Variants in MGST3 observed in about 807,000 individuals in gnomAD.
MGST3 encodes glutathione S-transferase 3, mitochondrial.
In MGST3, 13 loss-of-function variants were observed where a neutral mutation model predicts 15.8. The observed-to-expected ratio is 0.82, with a 90% CI of 0.54 to 1.31. The LOEUF is 1.31. Among genes scored for constraint, MGST3 ranks in the 50% most tolerant of loss-of-function variants. MGST3 has a pLI of 0.00. For missense variants in MGST3, 155 were observed against 192.4 expected, an observed-to-expected ratio of 0.81 and a Z score of 1.15; for synonymous variants, 49 against 68.1, an observed-to-expected ratio of 0.72 and a Z score of 1.38.
chr1:165,649,720 T>C, intron 1 of MGST3, 121 bp from the exon 2 acceptor site: 7 of 1,172,584 alleles, frequency 6.0e-6, no homozygotes, highest in Non-Finnish European at 8.8e-6. Flanking sequence ...GATTGATTCA[T>C]ACCTTTTTTT....
At chr1:165,638,618 T>C (rs980192788) in intron 1 of MGST3, among the ~76,000 whole-genome samples, 42 of 152,030 alleles carry the variant, frequency 2.8e-4, no homozygotes, top group African/African-American at 9.9e-4. Context: ...ACCCTGTCTC[T>C]ACTAAAATAC....
rs1648689751 is a variant in MGST3, at chr1:165,655,662, G to A, written c.*158G>A. The A allele has an allele frequency of 1.2e-6, 1 of 859,616 alleles. No homozygotes were observed. Among genetic ancestry groups the A allele is most frequent in the Non-Finnish European group, 1.8e-6 (1 of 555,572 alleles). 53.2% of individuals were successfully genotyped at this position (859,616 alleles called of 1,614,324 possible). The stretch of plus-strand genomic sequence containing the variant: ...CTCATTTCCGTTTGAGTCTGTATCT[G>A]AAATCAGTAGCCTAGTCCTACTAGA... On this transcript the variant is annotated 3_prime_UTR_variant, in exon 6 of 6. Transcript: ENST00000367889.
rs1647934066 is a variant in MGST3, at chr1:165,631,284, G to A, written c.-17G>A. ...TTTTGTTCTGCTCCAGCTGTTCGAAGGTGATCCAGGTGAGTGCTAGCACCT... is the reference window on the plus strand; with the variant it reads ...TTTTGTTCTGCTCCAGCTGTTCGAAAGTGATCCAGGTGAGTGCTAGCACCT... On this transcript the variant is annotated 5_prime_UTR_variant, in exon 1 of 6. Transcript: ENST00000367889. The A allele has an allele frequency of 1.3e-5, 2 of 152,820 alleles. No homozygotes were observed. Among genetic ancestry groups the A allele is most frequent in the Admixed American group, 6.5e-5 (1 of 15,290 alleles). 9.5% of individuals were successfully genotyped at this position (152,820 alleles called of 1,614,324 possible). A position where few individuals can be genotyped will look rare whatever the true frequency, so the allele number is the denominator to read the frequency against.
At chr1:165,643,010 A>AT (rs1300020493) in intron 1 of MGST3, among the ~76,000 whole-genome samples, 1 of 152,196 alleles carries the variant, frequency 6.6e-6, no homozygotes, top group African/African-American at 2.4e-5. Context: ...GTATTTGCTC[A>AT]TTTTGGAAAT....
chr1:165,638,809 A>AAC (rs1553239480), intron 1 of MGST3, among the ~76,000 whole-genome samples: 8 of 151,368 alleles, frequency 5.3e-5, no homozygotes, highest in African/African-American at 1.9e-4. Context: ...AAAAAAAAAA[A>AAC]CCCACATTCT....
intron 1 of MGST3, among the ~76,000 whole-genome samples, chr1:165,634,650 G>A (rs9333389): frequency 0.011 from 1,678 of 151,708 alleles, 53 homozygotes; most frequent in Admixed American, 0.059. Flanking sequence ...ATCCTTTGTC[G>A]CAATGTCACC....
intron 1 of MGST3, among the ~76,000 whole-genome samples, chr1:165,632,580 TC>T (rs1647983050): frequency 1.3e-5 from 2 of 152,214 alleles, no homozygotes; most frequent in African/African-American, 4.8e-5. Context: ...TAAGCTTCCC[TC>T]CTGACACAAT....
intron 1 of MGST3, chr1:165,649,591 G>T: frequency 2.2e-6 from 1 of 462,640 alleles, no homozygotes; most frequent in East Asian, 4.2e-5. Context: ...GAATCTCCCA[G>T]GCACAAAAGA....
At chr1:165,652,541 T>C (rs4147602) in intron 4 of MGST3, among the ~76,000 whole-genome samples, 90,612 of 151,746 alleles carry the variant, frequency 0.6, 27,481 homozygotes, top group Middle Eastern at 0.69. Context: ...GAAAACAAAG[T>C]GGGGAAGGTG....
intron 1 of MGST3, chr1:165,637,184 C>T (rs1052697934): frequency 6.9e-6 from 1 of 145,474 alleles, no homozygotes; most frequent in Admixed American, 7.1e-5. Context: ...TGTCCCATCC[C>T]TGGACACATT....
intron 3 of MGST3, 91 bp from the exon 4 acceptor site, chr1:165,651,887 C>G: frequency 3.4e-6 from 1 of 295,758 alleles, no homozygotes; most frequent in East Asian, 1.0e-4. Flanking sequence ...AGAGACACTC[C>G]GTCTCAAAAA....
chr1:165,631,930 G>A (rs1647957168), intron 1 of MGST3: 1 of 324,362 alleles, frequency 3.1e-6, no homozygotes, highest in East Asian at 5.1e-5. Flanking sequence ...GGCGGGTGGG[G>A]GACTCTTCAG....
At chr1:165,642,173 G>A (rs1344813233) in intron 1 of MGST3, among the ~76,000 whole-genome samples, 1 of 152,212 alleles carries the variant, frequency 6.6e-6, no homozygotes, top group Non-Finnish European at 1.5e-5. Flanking sequence ...TCCCCTGCTA[G>A]AAAATGAGTT....
chr1:165,645,015 C>A (rs9333449), intron 1 of MGST3, among the ~76,000 whole-genome samples: 14,265 of 152,174 alleles, frequency 0.094, 816 homozygotes, highest in African/African-American at 0.14. Flanking sequence ...CTTGCCCTGG[C>A]GTCCCAAAGT....
chr1:165,644,698 T>A (rs1393706336), intron 1 of MGST3, among the ~76,000 whole-genome samples: 1 of 152,246 alleles, frequency 6.6e-6, no homozygotes, highest in Non-Finnish European at 1.5e-5. Flanking sequence ...TTTGTGACAA[T>A]ACTTAGCTTA....
At position 165,654,324 on chromosome 1, in the gene MGST3, C is replaced by G. The variant is rs768692999; in HGVS notation, c.295C>G (p.Leu99Val). The change falls in exon 5 of 6, where the codon CTT becomes GTT. Residue 99 changes from leucine to valine, a missense_variant. Leu to Val is a conservative substitution (Grantham distance 32, BLOSUM62 1). Transcript: ENST00000367889. Reference protein sequence around the residue: ...LGLAWIVGRVLYAYGYYTGEP... With the variant: ...LGLAWIVGRVVYAYGYYTGEP... The stretch of plus-strand genomic sequence containing the variant: ...CTTGGCCTGGATTGTTGGACGAGTT[C>G]TTTATGCTTATGGCTATTACACGGG... 3 of 1,614,046 alleles carry G rather than the reference C, an allele frequency of 1.9e-6. No individual in the cohort carries two copies. The highest frequency in any genetic ancestry group is 1.7e-6 in the Non-Finnish European group (2 of 1,179,972).
At chr1:165,641,127 G>A (rs1413574245) in intron 1 of MGST3, among the ~76,000 whole-genome samples, 3 of 152,196 alleles carry the variant, frequency 2.0e-5, no homozygotes, top group Admixed American at 1.3e-4. Context: ...AGGTTGCAGT[G>A]AGCCTAGATC....
At chr1:165,632,148 T>G in intron 1 of MGST3, 1 of 1,158,228 alleles carries the variant, frequency 8.6e-7, no homozygotes, top group Non-Finnish European at 1.3e-6. Flanking sequence ...GGCAAGTAAG[T>G]GTGGAAGACG....
At chr1:165,639,086 AG>A (rs1648198038) in intron 1 of MGST3, among the ~76,000 whole-genome samples, 1 of 152,022 alleles carries the variant, frequency 6.6e-6, no homozygotes, top group African/African-American at 2.4e-5. Context: ...CTCTATGTAA[AG>A]TATTCCAACG....
Sources: gnomAD v4.1 joint callset for allele counts (sites outside exome capture counted in the v4.1 genomes callset) on GRCh38, gnomAD v4.1.1 for gene constraint, MANE v1.5 for transcripts, NCBI Gene and HGNC (gene_info 2026-07-23, HGNC 2026-07-21) for gene names.